Variants in AGBL3 observed in about 807,000 individuals in gnomAD.
AGBL3 encodes cytosolic carboxypeptidase 3.
Under a neutral mutation model 94.5 loss-of-function variants are expected in AGBL3, and 68 were observed. The observed-to-expected ratio is 0.72, with a 90% confidence interval of 0.59 to 0.88. The LOEUF (loss-of-function observed/expected upper bound fraction) is 0.88, where lower values mean the gene tolerates loss of function less well. Among genes scored for constraint, AGBL3 ranks in the 40% least tolerant of loss-of-function variants. AGBL3 has a pLI of 0.00. For synonymous variants in AGBL3, 354 were observed against 370.7 expected (o/e 0.95, Z 0.52); for missense variants, 934 against 1,103.8 (o/e 0.85, Z 2.18).
chr7:135,033,856 C>T (rs188419785), intron 6 of AGBL3, among the ~76,000 whole-genome samples: 92 of 152,188 alleles, frequency 6.0e-4, no homozygotes, highest in African/African-American at 2.0e-3. Flanking sequence ...ATATAGAAAA[C>T]ATAATTAGGT....
At chr7:135,094,894 C>T (rs1469730559) in intron 15 of AGBL3, among the ~76,000 whole-genome samples, 3 of 152,132 alleles carry the variant, frequency 2.0e-5, no homozygotes, top group Non-Finnish European at 4.4e-5. Flanking sequence ...CAACAGCTGG[C>T]AAGGAAAAAT....
In AGBL3 at chr7:135,034,670, C is replaced by T. The variant is rs17804854; in HGVS notation, c.1079C>T (p.Thr360Ile). The T allele has an allele frequency of 8.3e-3, 12,806 of 1,551,572 alleles. 65 individuals carry two copies. Among genetic ancestry groups the T allele is most frequent in the Non-Finnish European group, 0.01 (11,970 of 1,146,920 alleles). Residue 360 changes from threonine to isoleucine, a missense_variant, in exon 7 of 17, where the codon ACT (threonine) becomes ATT (isoleucine). Coordinates refer to ENST00000436302, the MANE Select transcript of AGBL3 (RefSeq NM_178563.4). ...DSRKRKAVIL[T>I]ARVHPGETNS... ...AGAAAGCGGAAGGCTGTGATTCTGACTGCAAGGGTCCATCCAGGGGAAACC... is the reference window on the plus strand; with the variant it reads ...AGAAAGCGGAAGGCTGTGATTCTGATTGCAAGGGTCCATCCAGGGGAAACC...
intron 16 of AGBL3, among the ~76,000 whole-genome samples, chr7:135,127,390 A>G (rs1466217782): frequency 6.6e-6 from 1 of 151,730 alleles, no homozygotes; most frequent in Non-Finnish European, 1.5e-5. Flanking sequence ...CATCTCTACT[A>G]AAATACAAAA....
At chr7:135,111,705 G>A (rs530289778) in intron 15 of AGBL3, among the ~76,000 whole-genome samples, 2 of 152,114 alleles carry the variant, frequency 1.3e-5, no homozygotes, top group Non-Finnish European at 2.9e-5. Flanking sequence ...GAAACGTGTT[G>A]AAATATGTGA....
rs555413304 is a variant in AGBL3 at position 135,066,031 on chromosome 7, G to A, written c.1908+6796G>A. On this transcript the variant is annotated intron_variant, in intron 12 of 16. Coordinates refer to ENST00000436302, the MANE Select transcript of AGBL3 (RefSeq NM_178563.4). ...ACCTGAAACCATAAAACTCCTAGAAGAAACATAGGGGAAAGCACCATGACA... is the reference window on the plus strand; with the variant it reads ...ACCTGAAACCATAAAACTCCTAGAAAAAACATAGGGGAAAGCACCATGACA... Among the ~76,000 whole-genome samples, 4 of 152,234 alleles carry A rather than the reference G, an allele frequency of 2.6e-5. No individual in the cohort carries two copies. The East Asian group carries it at 5.8e-4, about 22-fold the overall frequency.
chr7:135,095,392 G>T (rs1822515289), intron 15 of AGBL3, among the ~76,000 whole-genome samples: 1 of 152,142 alleles, frequency 6.6e-6, no homozygotes, highest in African/African-American at 2.4e-5. Context: ...TCGTTCTTTG[G>T]AAATCCTAAA....
intron 16 of AGBL3, 21 bp from the exon 17 acceptor site, chr7:135,134,820 C>A (rs1181390396): frequency 6.5e-7 from 1 of 1,542,726 alleles, no homozygotes. Context: ...CAAAAATTCA[C>A]GTATTTCATT....
chr7:135,039,330 T>C (rs559765738), intron 8 of AGBL3, among the ~76,000 whole-genome samples: 3 of 152,322 alleles, frequency 2.0e-5, no homozygotes, highest in East Asian at 3.9e-4. Flanking sequence ...TTAAGGAACA[T>C]TAGAATATAG....
intron 7 of AGBL3, among the ~76,000 whole-genome samples, chr7:135,035,708 T>C (rs1563204231): frequency 6.6e-6 from 1 of 152,170 alleles, no homozygotes; most frequent in Non-Finnish European, 1.5e-5. Flanking sequence ...GAGACCCTAA[T>C]ATCCTGTTTC....
intron 15 of AGBL3, among the ~76,000 whole-genome samples, chr7:135,104,107 CCT>C (rs1824280323): frequency 6.6e-6 from 1 of 152,058 alleles, no homozygotes; most frequent in Non-Finnish European, 1.5e-5. Context: ...CTGTTGTTCC[CCT>C]CTTTGTGTCC....
At chr7:135,123,730 G>T (rs1419143312) in intron 16 of AGBL3, among the ~76,000 whole-genome samples, 1 of 152,138 alleles carries the variant, frequency 6.6e-6, no homozygotes, top group African/African-American at 2.4e-5. Flanking sequence ...AAGATTGGGA[G>T]TCAATATTCA....
intron 15 of AGBL3, among the ~76,000 whole-genome samples, chr7:135,108,248 C>T (rs936426862): frequency 6.6e-5 from 10 of 152,078 alleles, no homozygotes; most frequent in African/African-American, 2.4e-4. Context: ...GGATTTGATC[C>T]TGTCATTGTG....
intron 3 of AGBL3, among the ~76,000 whole-genome samples, chr7:134,993,157 G>A (rs1810515155): frequency 6.6e-6 from 1 of 152,206 alleles, no homozygotes; most frequent in African/African-American, 2.4e-5. Flanking sequence ...GTTCATCACT[G>A]TATTTAACTC....
intron 12 of AGBL3, among the ~76,000 whole-genome samples, chr7:135,068,455 GA>G (rs1477323090): frequency 6.6e-6 from 1 of 152,140 alleles, no homozygotes; most frequent in Non-Finnish European, 1.5e-5. Context: ...AAGTTGAAAA[GA>G]AGGAAAAAAT....
intron 16 of AGBL3, chr7:135,128,883 C>A: frequency 7.3e-7 from 1 of 1,367,754 alleles, no homozygotes; most frequent in Non-Finnish European, 1.0e-6. Flanking sequence ...GGACTTTGAT[C>A]AAGCTCAGCA....
At chr7:135,130,760 T>A (rs1828629606) in intron 16 of AGBL3, among the ~76,000 whole-genome samples, 1 of 152,158 alleles carries the variant, frequency 6.6e-6, no homozygotes, top group African/African-American at 2.4e-5. Flanking sequence ...TTTTTAAAGG[T>A]CTTCTCTAAC....
intron 16 of AGBL3, among the ~76,000 whole-genome samples, chr7:135,127,987 T>C (rs1828126820): frequency 6.6e-6 from 1 of 152,100 alleles, no homozygotes; most frequent in Non-Finnish European, 1.5e-5. Flanking sequence ...TGGAATACTA[T>C]GCAGCCATAA....
At chr7:135,064,392 G>A (rs985520264) in intron 12 of AGBL3, among the ~76,000 whole-genome samples, 4 of 152,194 alleles carry the variant, frequency 2.6e-5, no homozygotes, top group African/African-American at 9.6e-5. Context: ...TTTGCTCTGA[G>A]TTTGGAGATC....
intron 16 of AGBL3, chr7:135,128,493 T>C (rs1828268837): frequency 2.6e-6 from 2 of 755,786 alleles, no homozygotes; most frequent in Non-Finnish European, 5.0e-6. Context: ...CCCCAGTGAG[T>C]ATTTACGATG....
Sources: gnomAD v4.1 joint callset for allele counts (sites outside exome capture counted in the v4.1 genomes callset) on GRCh38, gnomAD v4.1.1 for gene constraint, MANE v1.5 for transcripts, NCBI Gene and HGNC (gene_info 2026-07-23, HGNC 2026-07-21) for gene names.